DUSP14: variants seen among roughly 807,000 people sequenced by gnomAD.
DUSP14 encodes dual specificity phosphatase 14.
DUSP14 carries 5 observed loss-of-function variants against 13.2 expected under a neutral mutation model. The observed-to-expected ratio is 0.38, with a 90% CI of 0.20 to 0.80. The LOEUF is 0.80. DUSP14 is among the 30% of genes least tolerant of loss of function. The pLI, the probability that DUSP14 is intolerant of heterozygous loss-of-function variation, is 0.44. For missense variants in DUSP14, 185 were observed against 264.0 expected, an observed-to-expected ratio of 0.70 and a Z score of 2.07; for synonymous variants, 91 against 103.4, an observed-to-expected ratio of 0.88 and a Z score of 0.73.
upstream of DUSP14, among the ~76,000 whole-genome samples, chr17:37,489,045 C>T (rs1350525648): frequency 6.6e-6 from 1 of 152,228 alleles, no homozygotes; most frequent in Non-Finnish European, 1.5e-5. Context: ...TCCCACGTGT[C>T]TCCCTTCACC....
Position 37,513,131 on chromosome 17 carries a change from G to C in DUSP14, c.*262G>C. ...AGCTTTTAATCATTTTTACCAATTT[G>C]AACAGTTTAATAAACTGGTTCTGCT... On this transcript the variant is annotated 3_prime_UTR_variant, in exon 3 of 3. Transcript: ENST00000617516. 2.0e-6 allele frequency: 1 copy of C among 511,938 alleles called. No individual in the cohort carries two copies. Among genetic ancestry groups the C allele is most frequent in the Non-Finnish European group, 3.5e-6 (1 of 282,092 alleles). The allele number at this position is 511,938 out of a possible 1,614,324, so 31.7% of individuals were successfully genotyped here.
chr17:37,491,743 G>A (rs1291883204), intron 1 of DUSP14: 1 of 152,172 alleles, frequency 6.6e-6, no homozygotes, highest in Non-Finnish European at 1.5e-5. Context: ...TTTTTAAAAA[G>A]TGGGCTTTAG....
chr17:37,493,553 C>T (rs1051358207), intron 1 of DUSP14, among the ~76,000 whole-genome samples: 4 of 152,170 alleles, frequency 2.6e-5, no homozygotes, highest in African/African-American at 9.6e-5. Flanking sequence ...GATCCCTGGC[C>T]TGTCATGTGC....
chr17:37,500,838 G>A (rs2054099812), intron 1 of DUSP14, among the ~76,000 whole-genome samples: 1 of 152,132 alleles, frequency 6.6e-6, no homozygotes. Flanking sequence ...AACAGTTTAG[G>A]ATTCTTAGAG....
chr17:37,496,468 G>A (rs972008660), intron 1 of DUSP14, among the ~76,000 whole-genome samples: 1 of 151,400 alleles, frequency 6.6e-6, no homozygotes, highest in Non-Finnish European at 1.5e-5. Context: ...AATTAGCCGG[G>A]TGTTAGGCCG....
At chr17:37,505,479 G>A (rs1022289964) in intron 1 of DUSP14, among the ~76,000 whole-genome samples, 16 of 151,948 alleles carry the variant, frequency 1.1e-4, no homozygotes, top group African/African-American at 3.9e-4. Flanking sequence ...TATATACTCT[G>A]GCCCTCTGAA....
intron 1 of DUSP14, among the ~76,000 whole-genome samples, chr17:37,501,703 G>A (rs192841666): frequency 0.012 from 1,751 of 152,252 alleles, 18 homozygotes; most frequent in Non-Finnish European, 0.018. Flanking sequence ...TTTTAGTAGA[G>A]ACAGGGTTTT....
intron 1 of DUSP14, among the ~76,000 whole-genome samples, 187 bp downstream of exon 1, chr17:37,490,145 C>CCCGCGGAGGAGAGGCCCGAGACCTT (rs1328661472): frequency 6.6e-6 from 1 of 151,000 alleles, no homozygotes; most frequent in Non-Finnish European, 1.5e-5. Flanking sequence ...TTCGGGGCGG[C>CCCGCGGAGGAGAGGCCCGAGACCTT]CCGCGGAGGA....
chr17:37,506,213 C>T (rs1218501807), intron 1 of DUSP14, among the ~76,000 whole-genome samples: 3 of 151,922 alleles, frequency 2.0e-5, no homozygotes, highest in South Asian at 2.1e-4. Flanking sequence ...TGCAGTGAGC[C>T]GAGATAGCGC....
At chr17:37,492,992 CGTGT>C (rs368795488) in intron 1 of DUSP14, among the ~76,000 whole-genome samples, 2 of 150,324 alleles carry the variant, frequency 1.3e-5, no homozygotes, top group Non-Finnish European at 3.0e-5. Flanking sequence ...TGGCCGGCAT[CGTGT>C]GTGTGTGTGT....
At chr17:37,497,002 C>CT (rs1450360111) in intron 1 of DUSP14, among the ~76,000 whole-genome samples, 1 of 151,478 alleles carries the variant, frequency 6.6e-6, no homozygotes, top group African/African-American at 2.4e-5. Context: ...ATTGCTCATA[C>CT]TTTATCTTTT....
intron 1 of DUSP14, chr17:37,491,454 C>T (rs964735487): frequency 1.1e-4 from 17 of 152,138 alleles, no homozygotes; most frequent in African/African-American, 4.1e-4. Flanking sequence ...ATTCCTGCCT[C>T]CAGCTCTGAC....
chr17:37,508,761 A>G (rs1051975779), intron 1 of DUSP14, among the ~76,000 whole-genome samples: 9 of 144,798 alleles, frequency 6.2e-5, no homozygotes. Context: ...ATGTATGTAT[A>G]AATAAATATA....
upstream of DUSP14, among the ~76,000 whole-genome samples, chr17:37,489,636 TA>T (rs1267778340): frequency 6.6e-6 from 1 of 151,470 alleles, no homozygotes; most frequent in Non-Finnish European, 1.5e-5. Context: ...TGAGGCAGGG[TA>T]AGAGACCAGG....
At chr17:37,498,995 A>G (rs1009057667) in intron 1 of DUSP14, among the ~76,000 whole-genome samples, 19 of 152,152 alleles carry the variant, frequency 1.2e-4, no homozygotes, top group Admixed American at 2.6e-4. Flanking sequence ...TACTAATTTC[A>G]ACCAAGGATT....
At chr17:37,498,314 C>CTTTTT (rs765033929) in intron 1 of DUSP14, among the ~76,000 whole-genome samples, 9 of 70,578 alleles carry the variant, frequency 1.3e-4, no homozygotes, top group Non-Finnish European at 1.5e-4. Context: ...TAGATTGTAT[C>CTTTTT]TTTTTTTTTT....
Position 37,512,665 on chromosome 17 carries a change from C to T in DUSP14, c.393C>T (p.Asn131=), listed in dbSNP as rs769232222. 9 of 1,613,746 alleles carry T rather than the reference C, an allele frequency of 5.6e-6. No individual in the cohort carries two copies. Among genetic ancestry groups the T allele is most frequent in the Admixed American group, 1.7e-5 (1 of 60,002 alleles). The change falls in exon 3 of 3, where the codon AAC becomes AAT. Residue 131 remains asparagine, a synonymous_variant. Coordinates refer to ENST00000617516, the MANE Select transcript of DUSP14 (RefSeq NM_007026.4). The surrounding 1 kb of genome is among the most constrained non-coding windows in gnomAD (Gnocchi z 4.8). ...TCGCGTACCTGATGAAATTCCACAACGTGTGCCTGCTGGAGGCGTACAACT... is the reference window on the plus strand; with the variant it reads ...TCGCGTACCTGATGAAATTCCACAATGTGTGCCTGCTGGAGGCGTACAACT... ...LCIAYLMKFH[N]VCLLEAYNWV... is the part of the protein sequence containing the mutation.
chr17:37,490,680 T>C (rs564490949), intron 1 of DUSP14, among the ~76,000 whole-genome samples: 2 of 151,682 alleles, frequency 1.3e-5, no homozygotes, highest in Non-Finnish European at 2.9e-5. Flanking sequence ...GACTTACAAA[T>C]GCAGTTTTAC....
chr17:37,491,960 CT>C (rs2054031396), intron 1 of DUSP14, among the ~76,000 whole-genome samples: 1 of 152,174 alleles, frequency 6.6e-6, no homozygotes, highest in Non-Finnish European at 1.5e-5. Context: ...TCTTTTTAGA[CT>C]TTTCTAAGCA....
Sources: allele counts gnomAD v4.1 joint callset (sites outside exome capture counted in the v4.1 genomes callset), GRCh38; gene constraint gnomAD v4.1.1; non-coding constraint Gnocchi (gnomAD v3.1); transcripts MANE v1.5; gene names NCBI Gene and HGNC (gene_info 2026-07-23, HGNC 2026-07-21).